The following CNTNAP2 variants were observed in gnomAD, a reference collection of about 807,000 sequenced individuals.
CNTNAP2 encodes contactin associated protein 2.
Under a neutral mutation model 155.2 loss-of-function variants are expected in CNTNAP2, and 98 were observed. The ratio of observed to expected loss-of-function variants is 0.63; its 90% CI spans 0.54 to 0.75. The LOEUF (loss-of-function observed/expected upper bound fraction) is 0.75, where lower values mean the gene tolerates loss of function less well. Among genes scored for constraint, CNTNAP2 ranks in the 30% least tolerant of loss-of-function variants. The pLI, the probability that CNTNAP2 is intolerant of heterozygous loss-of-function variation, is 0.00. For synonymous variants in CNTNAP2, 651 were observed against 631.2 expected, an observed-to-expected ratio of 1.03 and a Z score of -0.47; for missense variants, 1,727 against 1,688.1, an observed-to-expected ratio of 1.02 and a Z score of -0.40.
chr7:147,438,704 G>T (rs79367529), intron 10 of CNTNAP2, among the ~76,000 whole-genome samples: 1 of 151,824 alleles, frequency 6.6e-6, no homozygotes, highest in African/African-American at 2.4e-5. Flanking sequence ...ATTCAGCAGT[G>T]AAGCCATCAA....
At chr7:146,308,875 T>C (rs2129090128) in intron 1 of CNTNAP2, among the ~76,000 whole-genome samples, 1 of 152,152 alleles carries the variant, frequency 6.6e-6, no homozygotes, top group Non-Finnish European at 1.5e-5. Flanking sequence ...ATACCTAATG[T>C]AAATGACAAG....
chr7:147,856,747 A>C (rs1799046976), intron 13 of CNTNAP2, among the ~76,000 whole-genome samples: 1 of 152,152 alleles, frequency 6.6e-6, no homozygotes, highest in Non-Finnish European at 1.5e-5. Context: ...CTGTTAAAGG[A>C]GTAATCATAC....
At chr7:148,254,867 T>C (rs190523947) in intron 20 of CNTNAP2, among the ~76,000 whole-genome samples, 1 of 152,266 alleles carries the variant, frequency 6.6e-6, no homozygotes, top group East Asian at 1.9e-4. Context: ...CGACTCTTCC[T>C]AATTTTATTG....
chr7:146,296,189 G>A (rs539379349), intron 1 of CNTNAP2, among the ~76,000 whole-genome samples: 14 of 152,192 alleles, frequency 9.2e-5, no homozygotes, highest in African/African-American at 2.4e-4. Context: ...GCAGAACAGC[G>A]GACCCCAGCC....
At chr7:147,261,462 CTA>C (rs1377455689) in intron 8 of CNTNAP2, among the ~76,000 whole-genome samples, 1 of 151,910 alleles carries the variant, frequency 6.6e-6, no homozygotes, top group Non-Finnish European at 1.5e-5. Flanking sequence ...ACATACAATT[CTA>C]TGTTGTTCAG....
chr7:146,529,487 A>G (rs1584965585), intron 1 of CNTNAP2, among the ~76,000 whole-genome samples: 1 of 152,280 alleles, frequency 6.6e-6, no homozygotes, highest in East Asian at 1.9e-4. Context: ...TCTCAAGAAC[A>G]TTGATGATCC....
chr7:146,178,191 G>T (rs986481516), intron 1 of CNTNAP2, among the ~76,000 whole-genome samples: 1 of 151,922 alleles, frequency 6.6e-6, no homozygotes, highest in Non-Finnish European at 1.5e-5. Context: ...CTGCCACCAT[G>T]CCCGGCTAAT....
At chr7:148,086,087 A>G (rs1803723169) in intron 15 of CNTNAP2, among the ~76,000 whole-genome samples, 1 of 152,220 alleles carries the variant, frequency 6.6e-6, no homozygotes, top group Admixed American at 6.5e-5. Flanking sequence ...TACACAGAAG[A>G]AAAAGGAGTC....
intron 15 of CNTNAP2, among the ~76,000 whole-genome samples, chr7:148,044,258 C>T (rs1354820234): frequency 4.7e-5 from 7 of 150,124 alleles, no homozygotes; most frequent in East Asian, 1.9e-4. Flanking sequence ...GTTCTAGCTC[C>T]GACCCAAGGG....
At chr7:147,116,154 GA>G (rs1458970088) in intron 5 of CNTNAP2, among the ~76,000 whole-genome samples, 1 of 152,144 alleles carries the variant, frequency 6.6e-6, no homozygotes, top group Non-Finnish European at 1.5e-5. Context: ...TATCAGCAAT[GA>G]AGCCTGCAGG....
chr7:148,075,634 A>G (rs1240143363), intron 15 of CNTNAP2, among the ~76,000 whole-genome samples: 2 of 152,180 alleles, frequency 1.3e-5, no homozygotes, highest in African/African-American at 2.4e-5. Flanking sequence ...AACAACAAAA[A>G]TTATAACTTT....
At chr7:146,339,288 T>A (rs914638316) in intron 1 of CNTNAP2, among the ~76,000 whole-genome samples, 1 of 152,166 alleles carries the variant, frequency 6.6e-6, no homozygotes, top group African/African-American at 2.4e-5. Context: ...CAGACTTACA[T>A]ACACAGGGCT....
intron 11 of CNTNAP2, among the ~76,000 whole-genome samples, chr7:147,531,499 G>A (rs111585679): frequency 0.16 from 24,186 of 152,236 alleles, 2,095 homozygotes; most frequent in Admixed American, 0.23. Flanking sequence ...AAGGCTTAGG[G>A]CTTACACCCT....
At chr7:146,422,910 A>G (rs904982712) in intron 1 of CNTNAP2, among the ~76,000 whole-genome samples, 13 of 152,188 alleles carry the variant, frequency 8.5e-5, no homozygotes, top group Non-Finnish European at 1.5e-4. Context: ...GCATCATAAG[A>G]TAAAAGGGAT....
chr7:146,560,647 G>A (rs373344393), intron 1 of CNTNAP2, among the ~76,000 whole-genome samples: 127 of 152,212 alleles, frequency 8.3e-4, no homozygotes, highest in Middle Eastern at 3.4e-3. Context: ...TGATACTTTT[G>A]TGTCAAGTGA....
At chr7:146,299,572 T>C (rs116675701) in intron 1 of CNTNAP2, among the ~76,000 whole-genome samples, 4,353 of 152,094 alleles carry the variant, frequency 0.029, 204 homozygotes, top group African/African-American at 0.1. Context: ...TATTTTATTT[T>C]ATTTTATTTT....
At chr7:146,348,957 T>C (rs903221088) in intron 1 of CNTNAP2, among the ~76,000 whole-genome samples, 1 of 151,998 alleles carries the variant, frequency 6.6e-6, no homozygotes, top group Admixed American at 6.6e-5. Context: ...TAATCTTGCA[T>C]GTATTACCCT....
At chr7:146,710,134 G>A (rs1801037544) in intron 1 of CNTNAP2, among the ~76,000 whole-genome samples, 1 of 152,222 alleles carries the variant, frequency 6.6e-6, no homozygotes, top group Non-Finnish European at 1.5e-5. Context: ...TTGGAAAGCA[G>A]TGTCAGAGGA....
intron 11 of CNTNAP2, among the ~76,000 whole-genome samples, chr7:147,551,294 G>A (rs543167753): frequency 3.3e-5 from 5 of 152,154 alleles, no homozygotes; most frequent in Admixed American, 2.0e-4. Flanking sequence ...ATTACAGTGC[G>A]AATAGTTTAA....
Sources: allele counts gnomAD v4.1 joint callset (sites outside exome capture counted in the v4.1 genomes callset), GRCh38; gene constraint gnomAD v4.1.1; transcripts MANE v1.5; gene names NCBI Gene and HGNC (gene_info 2026-07-23, HGNC 2026-07-21).